Variants in PRRG4 observed in about 807,000 individuals in gnomAD.
PRRG4 encodes proline rich and Gla domain 4.
A neutral mutation model predicts 20.0 loss-of-function variants in PRRG4; 12 were observed. The observed-to-expected ratio is 0.60, with a 90% CI of 0.38 to 0.97. PRRG4 has a LOEUF of 0.97. Ranked by LOEUF, PRRG4 falls within the 50% of genes least tolerant of loss-of-function variation. The pLI is 0.00. For missense variants in PRRG4, 199 were observed against 265.1 expected, an observed-to-expected ratio of 0.75 and a Z score of 1.73; for synonymous variants, 94 against 96.4, an observed-to-expected ratio of 0.98 and a Z score of 0.15.
At chr11:32,835,138 T>C (rs893636688) in intron 2 of PRRG4, among the ~76,000 whole-genome samples, 1 of 152,246 alleles carries the variant, frequency 6.6e-6, no homozygotes, top group Non-Finnish European at 1.5e-5. Flanking sequence ...AATAGCCATC[T>C]GTGGCTAATG....
chr11:32,830,951 A>T (rs1684468922), intron 2 of PRRG4, among the ~76,000 whole-genome samples: 1 of 152,170 alleles, frequency 6.6e-6, no homozygotes, highest in Non-Finnish European at 1.5e-5. Context: ...GATTATAATA[A>T]GCATAATTAC....
chr11:32,841,706 G>A (rs1438607848), intron 5 of PRRG4, among the ~76,000 whole-genome samples: 1 of 152,012 alleles, frequency 6.6e-6, no homozygotes, highest in Non-Finnish European at 1.5e-5. Flanking sequence ...TCTGCTTGTG[G>A]GGCTGAGGTG....
At position 32,830,032 on chromosome 11, in the gene PRRG4, C is replaced by G; in HGVS notation, c.-164C>G. ...CCTTCCCAGGTTTGCGCGCGGGGGC[C>G]ATCCAGACCCTGCGGAGAGCGAGGC... On this transcript the variant is annotated 5_prime_UTR_variant, in exon 1 of 6. Transcript: ENST00000257836. The G allele has an allele frequency of 1.0e-6, 1 of 986,306 alleles. No individual in the cohort carries two copies. The highest frequency in any genetic ancestry group is 1.2e-6 in the Non-Finnish European group (1 of 830,560). The allele number at this position is 986,306 out of a possible 1,614,324, so 61.1% of individuals were successfully genotyped here.
rs927610048 is a variant in PRRG4, at chr11:32,841,568, G to T, written c.449+1329G>T. On this transcript the variant is annotated intron_variant, in intron 5 of 5. Transcript: ENST00000257836. Reference sequence around the variant, plus strand: ...AATCCCAGCACTTTGGGAGGCCAAGGTGAGAGGATCACTTGAGGCCAGGAG... The same window carrying T: ...AATCCCAGCACTTTGGGAGGCCAAGTTGAGAGGATCACTTGAGGCCAGGAG... Among the ~76,000 whole-genome samples the T allele has an allele frequency of 1.1e-3, 163 of 152,246 alleles. 2 individuals are homozygous for T. Among genetic ancestry groups the T allele is most frequent in the East Asian group, 3.9e-4 (2 of 5,178 alleles).
chr11:32,844,312 T>A (rs1273541308), intron 5 of PRRG4, among the ~76,000 whole-genome samples: 1 of 152,102 alleles, frequency 6.6e-6, no homozygotes, highest in Non-Finnish European at 1.5e-5. Flanking sequence ...TGGGCTACTG[T>A]ATGAATGGTA....
At chr11:32,844,467 CTATTATTATTATTATTATTATTATTAT>C (rs148170116) in intron 5 of PRRG4, among the ~76,000 whole-genome samples, 5 of 143,174 alleles carry the variant, frequency 3.5e-5, no homozygotes, top group Admixed American at 7.1e-5. Context: ...TAAATGTTAG[CTATTATTATTATTATTATTATTATTAT>C]TATTATTATT....
In PRRG4 at chr11:32,836,825, A is replaced by T; in HGVS notation, c.267+4A>T. ...TTTTGTGGATGAAGATAAAACGGTA[A>T]TGTGGTTGATTATGTTAATTGGCTG... On this transcript the variant is annotated splice_donor_region_variant and intron_variant, in intron 3 of 5. Coordinates refer to ENST00000257836, the MANE Select transcript of PRRG4 (RefSeq NM_024081.6). The T allele has an allele frequency of 1.2e-6, 2 of 1,607,578 alleles. No individual in the cohort carries two copies. Among genetic ancestry groups the T allele is most frequent in the Non-Finnish European group, 1.7e-6 (2 of 1,176,884 alleles).
At chr11:32,838,623 C>T (rs1851046426) in intron 3 of PRRG4, among the ~76,000 whole-genome samples, 1 of 152,064 alleles carries the variant, frequency 6.6e-6, no homozygotes. Flanking sequence ...GGGCTCCAGT[C>T]AGGTGAAGGG....
chr11:32,850,989 C>CT (rs1851178262), intron 5 of PRRG4, among the ~76,000 whole-genome samples: 1 of 152,184 alleles, frequency 6.6e-6, no homozygotes, highest in Non-Finnish European at 1.5e-5. Context: ...AAGAGAATCA[C>CT]TTGAACCTGG....
chr11:32,835,607 A>C (rs1404297660), intron 2 of PRRG4, among the ~76,000 whole-genome samples: 1 of 152,154 alleles, frequency 6.6e-6, no homozygotes, highest in Non-Finnish European at 1.5e-5. Flanking sequence ...CCTTCCCGTC[A>C]AATGTAAAGG....
intron 1 of PRRG4, among the ~76,000 whole-genome samples, 157 bp downstream of exon 1, chr11:32,830,330 C>T (rs928490754): frequency 3.3e-5 from 5 of 152,240 alleles, no homozygotes; most frequent in Non-Finnish European, 7.3e-5. Flanking sequence ...GCGTTTGTCC[C>T]AGGCGCTCTC....
At chr11:32,843,735 T>G (rs1851101513) in intron 5 of PRRG4, among the ~76,000 whole-genome samples, 2 of 151,862 alleles carry the variant, frequency 1.3e-5, no homozygotes, top group Non-Finnish European at 2.9e-5. Context: ...TTTCTGTTTT[T>G]TTTTTTTTTA....
chr11:32,840,000 T>C, intron 4 of PRRG4, 107 bp from the exon 5 acceptor site: 1 of 703,952 alleles, frequency 1.4e-6, no homozygotes, highest in East Asian at 3.0e-5. Flanking sequence ...TCAACATCAA[T>C]GATTAGATGC....
chr11:32,830,365 C>T (rs1408312562), intron 1 of PRRG4, 143 bp from the exon 2 acceptor site: 1 of 838,034 alleles, frequency 1.2e-6, no homozygotes, highest in Non-Finnish European at 1.7e-6. Context: ...GGGCGCGCGT[C>T]GGGTTCCGGC....
At chr11:32,830,411 G>A (rs1369860082) in intron 1 of PRRG4, 97 bp from the exon 2 acceptor site, 1 of 1,055,192 alleles carries the variant, frequency 9.5e-7, no homozygotes, top group Non-Finnish European at 1.3e-6. Context: ...TTGCGCCTAG[G>A]CTTTGAGTAC....
chr11:32,835,711 T>C (rs1052311818), intron 2 of PRRG4, among the ~76,000 whole-genome samples: 1 of 152,224 alleles, frequency 6.6e-6, no homozygotes, highest in African/African-American at 2.4e-5. Context: ...TTAAATCTTA[T>C]AATTAGCTTA....
At chr11:32,832,193 G>C (rs892391829) in intron 2 of PRRG4, among the ~76,000 whole-genome samples, 1 of 152,104 alleles carries the variant, frequency 6.6e-6, no homozygotes, top group Non-Finnish European at 1.5e-5. Flanking sequence ...CTAAGTGCCA[G>C]GCCCCGTGCT....
chr11:32,842,031 A>G (rs562332478), intron 5 of PRRG4, among the ~76,000 whole-genome samples: 2 of 152,324 alleles, frequency 1.3e-5, no homozygotes, highest in Admixed American at 1.3e-4. Flanking sequence ...GTCCATTTTA[A>G]AAGAGGATTG....
Position 32,830,128 on chromosome 11 carries a change from G to C in PRRG4, c.-68G>C. On this transcript the variant is annotated 5_prime_UTR_variant, in exon 1 of 6. Transcript: ENST00000257836. ...GCGGCCGAAGGAACCGCCCCAAGAAGAGCCTCTGGCCCGGGGGCTGCTGGA... is the reference window on the plus strand; with the variant it reads ...GCGGCCGAAGGAACCGCCCCAAGAACAGCCTCTGGCCCGGGGGCTGCTGGA... The C allele has an allele frequency of 1.0e-6, 1 of 999,382 alleles. No individual in the cohort carries two copies. Among genetic ancestry groups the C allele is most frequent in the Non-Finnish European group, 1.2e-6 (1 of 839,702 alleles). The allele number at this position is 999,382 out of a possible 1,614,324, so 61.9% of individuals were successfully genotyped here. A position where few individuals can be genotyped will look rare whatever the true frequency, so the allele number is the denominator to read the frequency against.
Sources: allele counts gnomAD v4.1 joint callset (sites outside exome capture counted in the v4.1 genomes callset), GRCh38; gene constraint gnomAD v4.1.1; transcripts MANE v1.5; gene names NCBI Gene and HGNC (gene_info 2026-07-23, HGNC 2026-07-21).